Variants in ROR1 observed in about 807,000 individuals in gnomAD.
ROR1 encodes inactive tyrosine-protein kinase transmembrane receptor ROR1.
In ROR1, 19 loss-of-function variants were observed where a neutral mutation model predicts 78.8. That is an observed-to-expected ratio of 0.24 (90% CI 0.17 to 0.35). ROR1 has a LOEUF of 0.35. ROR1 is among the 10% of genes least tolerant of loss of function. The pLI, the probability that ROR1 is intolerant of heterozygous loss-of-function variation, is 1.00. For missense variants in ROR1, 917 were observed against 1,177.8 expected, an observed-to-expected ratio of 0.78 and a Z score of 3.24; for synonymous variants, 386 against 433.6, an observed-to-expected ratio of 0.89 and a Z score of 1.36.
chr1:63,806,986 C>T (rs1442045660), intron 1 of ROR1, among the ~76,000 whole-genome samples: 1 of 152,154 alleles, frequency 6.6e-6, no homozygotes, highest in African/African-American at 2.4e-5. Flanking sequence ...ATGATTTCTT[C>T]CTTAATGTGA....
intron 7 of ROR1, among the ~76,000 whole-genome samples, chr1:64,152,554 TC>T (rs1206001976): frequency 6.6e-6 from 1 of 152,232 alleles, no homozygotes; most frequent in East Asian, 1.9e-4. Context: ...TTATTAGTAA[TC>T]TTTTGTTTGT....
chr1:64,050,446 T>A (rs1020856810), intron 3 of ROR1, among the ~76,000 whole-genome samples: 2 of 152,106 alleles, frequency 1.3e-5, no homozygotes, highest in African/African-American at 4.8e-5. Context: ...ACTCTTTTTT[T>A]AGCACTTGTC....
intron 1 of ROR1, among the ~76,000 whole-genome samples, chr1:63,869,314 G>A (rs1009094865): frequency 1.5e-4 from 23 of 152,146 alleles, no homozygotes; most frequent in Non-Finnish European, 2.5e-4. Context: ...TCAAAGACAC[G>A]CTGCTCCTCA....
chr1:63,969,047 G>A (rs1646098291), intron 1 of ROR1, among the ~76,000 whole-genome samples: 1 of 152,154 alleles, frequency 6.6e-6, no homozygotes, highest in Admixed American at 6.5e-5. Context: ...CTGCAGGGGG[G>A]TGTGGGAGAA....
rs141581176 is a variant in ROR1 at position 64,142,457 on chromosome 1, G to C, written c.981G>C (p.Val327=). ...TGGACTACCGGGGGACCGTCAGTGT[G>C]ACCAAATCAGGGCGCCAGTGCCAGC... ...TGVDYRGTVS[V]TKSGRQCQPW... The change falls in exon 7 of 9, where the codon GTG becomes GTC. Residue 327 remains valine, a synonymous_variant. Coordinates refer to ENST00000371079, the MANE Select transcript of ROR1 (RefSeq NM_005012.4). 274 of 1,613,986 alleles carry C rather than the reference G, an allele frequency of 1.7e-4. No individual in the cohort carries two copies. The highest frequency in any genetic ancestry group is 2.0e-4 in the Non-Finnish European group (239 of 1,180,020).
chr1:63,850,138 C>A (rs1392680856), intron 1 of ROR1, among the ~76,000 whole-genome samples: 4 of 152,172 alleles, frequency 2.6e-5, no homozygotes, highest in Non-Finnish European at 4.4e-5. Context: ...ACTTACTGTA[C>A]CTGTCATACA....
intron 1 of ROR1, among the ~76,000 whole-genome samples, chr1:63,888,206 A>G (rs1031582580): frequency 6.6e-6 from 1 of 152,216 alleles, no homozygotes; most frequent in African/African-American, 2.4e-5. Flanking sequence ...TTACATAGAA[A>G]AAAATCTAGT....
intron 1 of ROR1, among the ~76,000 whole-genome samples, chr1:63,867,979 A>G (rs1645227377): frequency 6.6e-6 from 1 of 152,176 alleles, no homozygotes; most frequent in African/African-American, 2.4e-5. Context: ...CCCTGCCTGG[A>G]GGGCCACACG....
intron 7 of ROR1, among the ~76,000 whole-genome samples, chr1:64,154,800 A>G (rs1035210272): frequency 6.6e-6 from 1 of 152,246 alleles, no homozygotes; most frequent in East Asian, 1.9e-4. Flanking sequence ...ACTTTTAAAC[A>G]GTTATTCCAA....
intron 1 of ROR1, among the ~76,000 whole-genome samples, chr1:63,853,385 A>G (rs565420046): frequency 6.6e-6 from 1 of 152,186 alleles, no homozygotes; most frequent in Non-Finnish European, 1.5e-5. Flanking sequence ...GGGTATCCCT[A>G]ATCTGAGAAT....
chr1:64,134,197 C>T (rs562448721), intron 4 of ROR1, among the ~76,000 whole-genome samples: 1 of 152,296 alleles, frequency 6.6e-6, no homozygotes, highest in South Asian at 2.1e-4. Context: ...GGAATAATTA[C>T]ATCTTTACCT....
chr1:63,788,974 T>C (rs992255114), intron 1 of ROR1: 15 of 667,494 alleles, frequency 2.2e-5, no homozygotes, highest in African/African-American at 1.6e-4. Flanking sequence ...TTCTTAGATA[T>C]GCGGTATCTT....
intron 7 of ROR1, among the ~76,000 whole-genome samples, chr1:64,151,350 C>A (rs1557675815): frequency 6.6e-6 from 1 of 152,118 alleles, no homozygotes; most frequent in African/African-American, 2.4e-5. Context: ...GGGTTTCAAC[C>A]CATACTCTTC....
chr1:63,931,020 G>A (rs191048039), intron 1 of ROR1, among the ~76,000 whole-genome samples: 43 of 152,262 alleles, frequency 2.8e-4, no homozygotes, highest in Non-Finnish European at 4.4e-5. Context: ...CTCAGCTTAC[G>A]CCTGTGATCC....
intron 1 of ROR1, among the ~76,000 whole-genome samples, chr1:63,855,626 A>G (rs558356154): frequency 1.3e-5 from 2 of 149,810 alleles, no homozygotes; most frequent in South Asian, 2.1e-4. Flanking sequence ...TACATTGTAG[A>G]TTTCACCTCT....
At chr1:63,905,807 C>G (rs1373639953) in intron 1 of ROR1, among the ~76,000 whole-genome samples, 2 of 152,050 alleles carry the variant, frequency 1.3e-5, no homozygotes, top group African/African-American at 4.8e-5. Flanking sequence ...ATAAACAAAA[C>G]AACCAAATAG....
chr1:63,918,628 CA>C (rs1242649605), intron 1 of ROR1, among the ~76,000 whole-genome samples: 1 of 152,174 alleles, frequency 6.6e-6, no homozygotes, highest in Non-Finnish European at 1.5e-5. Context: ...TACTATTAAA[CA>C]GGGCTTTTCT....
intron 1 of ROR1, among the ~76,000 whole-genome samples, chr1:63,917,163 C>G (rs761933505): frequency 6.6e-6 from 1 of 152,166 alleles, no homozygotes; most frequent in African/African-American, 2.4e-5. Flanking sequence ...TGGCTCCTGT[C>G]CCAGTTTATA....
At chr1:63,950,244 C>G (rs1457068366) in intron 1 of ROR1, among the ~76,000 whole-genome samples, 1 of 152,170 alleles carries the variant, frequency 6.6e-6, no homozygotes. Context: ...AAAGAATGAC[C>G]ACTCCATAGG....
Sources: gnomAD v4.1 joint callset for allele counts (sites outside exome capture counted in the v4.1 genomes callset) on GRCh38, gnomAD v4.1.1 for gene constraint, MANE v1.5 for transcripts, NCBI Gene and HGNC (gene_info 2026-07-23, HGNC 2026-07-21) for gene names.